WDR6: variants seen among roughly 807,000 people sequenced by gnomAD.
WDR6 encodes WD repeat domain 6, also known as tRNA (34-2'-O)-methyltransferase regulator WDR6.
In WDR6, 58 loss-of-function variants were observed where a neutral mutation model predicts 85.6. That is an observed-to-expected ratio of 0.68 (90% CI 0.55 to 0.84). The LOEUF (loss-of-function observed/expected upper bound fraction) is 0.84, where lower values mean the gene tolerates loss of function less well. Ranked by LOEUF, WDR6 falls within the 40% of genes least tolerant of loss-of-function variation. WDR6 has a pLI of 0.00. For missense variants in WDR6, 1,310 were observed against 1,476.4 expected (o/e 0.89, Z 1.85); for synonymous variants, 569 against 582.2 (o/e 0.98, Z 0.33).
At position 49,007,489 on chromosome 3, in the gene WDR6, C is replaced by T; in HGVS notation, c.58C>T (p.Pro20Ser). The T allele has an allele frequency of 2.5e-6, 4 of 1,610,600 alleles. No individual in the cohort carries two copies. Among genetic ancestry groups the T allele is most frequent in the Non-Finnish European group, 3.4e-6 (4 of 1,177,406 alleles). ...PRATSELILL[P>S]VTGLECVGDR... ...GGCAACCTCGGAGCTTATACTCCTC[C>T]CAGTGACGGGTCTGGAGTGCGTGGG... The change falls in exon 1 of 6, where the codon CCA becomes TCA. Residue 20 changes from proline (P) to serine (S), a missense_variant. Pro to Ser is a moderately conservative substitution (Grantham distance 74). Transcript: ENST00000608424. The surrounding 1 kb of genome is among the most constrained non-coding windows in gnomAD (Gnocchi z 5.1).
Position 49,012,536 on chromosome 3 carries a change from AT to A in WDR6, c.1004del (p.Leu335TrpfsTer20). 6.2e-7 allele frequency: 1 copy of A among 1,613,712 alleles called. No individual in the cohort carries two copies. Among genetic ancestry groups the A allele is most frequent in the Non-Finnish European group, 8.5e-7 (1 of 1,179,942 alleles). On this transcript the variant is annotated frameshift_variant, in exon 2 of 6. Transcript: ENST00000608424. LOFTEE classifies it high-confidence loss of function. The surrounding 1 kb of genome is among the most constrained non-coding windows in gnomAD (Gnocchi z 4.4). Reference sequence around the variant, plus strand: ...ACTTGGTAGGGCGTGGGTACCGGGGATTGGGGGTCTCGGCTCTCTGCTTCAA... The same window carrying A: ...ACTTGGTAGGGCGTGGGTACCGGGGATGGGGGTCTCGGCTCTCTGCTTCAA... The part of the protein sequence containing the change: ...WHLVGRGYRG[L>X]GVSALCFKSR...
rs1484073352 is a variant in WDR6, at chr3:49,014,390, C to T, written c.2674C>T (p.Leu892Phe). 2 of 1,613,970 alleles carry T rather than the reference C, an allele frequency of 1.2e-6. No individual in the cohort carries two copies. Among genetic ancestry groups the T allele is most frequent in the Non-Finnish European group, 1.7e-6 (2 of 1,180,016 alleles). Residue 892 changes from leucine to phenylalanine, a missense_variant, in exon 4 of 6, where the codon CTT becomes TTT. Coordinates refer to ENST00000608424, the MANE Select transcript of WDR6 (RefSeq NM_018031.6). This position sits in a 1 kb window ranked among gnomAD's most constrained non-coding sequence, Gnocchi z 4.9. ...ACSDGAVRLF[L>F]LQDSGRILQL... is the part of the protein sequence containing the mutation. ...CCACCCCCCGCCCCCCAGGCTCTTT[C>T]TTTTGCAGGATTCTGGGCGGATTCT...
Position 49,013,438 on chromosome 3 carries a change from A to G in WDR6, c.1904A>G (p.Asn635Ser), listed in dbSNP as rs778171567. ...GSMVILGFHANEFVVWNPRSH... is the reference protein window; with the variant it reads ...GSMVILGFHASEFVVWNPRSH... The stretch of plus-strand genomic sequence containing the variant: ...ATGGTTATCCTGGGTTTCCATGCCA[A>G]TGAGTTTGTGGTGTGGAACCCTCGG... The change falls in exon 2 of 6, where the codon AAT (asparagine) becomes AGT (serine). Residue 635 changes from asparagine (N) to serine (S), a missense_variant. By Grantham distance (46) the Asn-to-Ser change is conservative. Coordinates refer to ENST00000608424, the MANE Select transcript of WDR6 (RefSeq NM_018031.6). The surrounding 1 kb of genome is among the most constrained non-coding windows in gnomAD (Gnocchi z 4.6). The G allele has an allele frequency of 6.8e-6, 11 of 1,614,142 alleles. No individual in the cohort carries two copies. The highest frequency in any genetic ancestry group is 1.6e-4 in the Middle Eastern group (1 of 6,062).
intron 1 of WDR6, among the ~76,000 whole-genome samples, chr3:49,010,360 C>G (rs1278362049): frequency 6.7e-6 from 1 of 149,688 alleles, no homozygotes; most frequent in South Asian, 2.1e-4. Flanking sequence ...GAGCCAAGAT[C>G]GCGCCACAGC....
rs778081881 is a variant in WDR6, at chr3:49,014,343, C to G, written c.2667-40C>G. ...CAGGAGACAAAGGAAGTAAGGTTGT[C>G]TAGGATGCGTTCTGAGCTGGGCCAC... On this transcript the variant is annotated intron_variant, in intron 3 of 5. Transcript: ENST00000608424. The surrounding 1 kb of genome is among the most constrained non-coding windows in gnomAD (Gnocchi z 4.9). 1 of 1,613,956 alleles carries G rather than the reference C, an allele frequency of 6.2e-7. No homozygotes were observed. The highest frequency in any genetic ancestry group is 1.3e-5 in the African/African-American group (1 of 74,906).
In WDR6 at chr3:49,015,792, C is replaced by A; in HGVS notation, c.*504C>A. 6.2e-7 allele frequency: 1 copy of A among 1,614,170 alleles called. No individual in the cohort carries two copies. The highest frequency in any genetic ancestry group is 8.5e-7 in the Non-Finnish European group (1 of 1,180,028). On this transcript the variant is annotated 3_prime_UTR_variant, in exon 6 of 6. Transcript: ENST00000608424. ...TCTCTGCACGTCCCACCCCATTTTG[C>A]TGTGTGCTCACCCCCAGGATGTGTA...
In WDR6 at chr3:49,007,510, G is replaced by A; in HGVS notation, c.79G>A (p.Val27Met). ...ILLPVTGLEC[V>M]GDRLLAGEGP... ...CCTCCCAGTGACGGGTCTGGAGTGCGTGGGGGACCGGCTGTTGGCGGGTGA... is the reference window on the plus strand; with the variant it reads ...CCTCCCAGTGACGGGTCTGGAGTGCATGGGGGACCGGCTGTTGGCGGGTGA... Residue 27 changes from valine (V) to methionine (M), a missense_variant, in exon 1 of 6, where the codon GTG becomes ATG. Val to Met is a conservative substitution (Grantham distance 21). Coordinates refer to ENST00000608424, the MANE Select transcript of WDR6 (RefSeq NM_018031.6). This position sits in a 1 kb window ranked among gnomAD's most constrained non-coding sequence, Gnocchi z 5.1. 6.3e-7 allele frequency: 1 copy of A among 1,598,710 alleles called. No homozygotes were observed.
At position 49,011,580 on chromosome 3, in the gene WDR6, G is replaced by A. The variant is rs758667545; in HGVS notation, c.101-55G>A. ...TTTCCCTGATCCCCATCTCTTCCCT[G>A]TGGGTCATCAGAGTTAGGTACCTAG... On this transcript the variant is annotated intron_variant, in intron 1 of 5. Coordinates refer to ENST00000608424, the MANE Select transcript of WDR6 (RefSeq NM_018031.6). The A allele has an allele frequency of 6.6e-5, 107 of 1,611,862 alleles. 3 individuals are homozygous for A. Among genetic ancestry groups the A allele is most frequent in the South Asian group, 3.5e-4 (32 of 90,898 alleles).
intron 1 of WDR6, 166 bp from the exon 2 acceptor site, chr3:49,011,469 C>A: frequency 1.3e-6 from 2 of 1,594,312 alleles, no homozygotes; most frequent in Non-Finnish European, 1.7e-6. Context: ...CGTGAGCCAC[C>A]GCACCCGGCC....
chr3:49,013,659 C>T lies in WDR6; in HGVS notation c.2125C>T (p.Arg709Cys), dbSNP rs746816965. 16 of 1,613,952 alleles carry T rather than the reference C, an allele frequency of 9.9e-6. No individual in the cohort carries two copies. The highest frequency in any genetic ancestry group is 1.6e-4 in the Middle Eastern group (1 of 6,084). ...LHGREITCVK[R>C]VGTITLGPEY... The stretch of plus-strand genomic sequence containing the variant: ...TGGCCGTGAGATCACTTGTGTAAAG[C>T]GTGTGGGCACCATTACCCTGGGGCC... Residue 709 changes from arginine (R) to cysteine (C), a missense_variant, in exon 2 of 6, where the codon CGT (arginine) becomes TGT (cysteine). Arg to Cys is a radical substitution (Grantham distance 180). Transcript: ENST00000608424. The surrounding 1 kb of genome is among the most constrained non-coding windows in gnomAD (Gnocchi z 4.6).
In WDR6 at chr3:49,014,666, A is replaced by G; in HGVS notation, c.2850A>G (p.Leu950=). The G allele has an allele frequency of 1.2e-6, 2 of 1,613,618 alleles. No individual in the cohort carries two copies. Among genetic ancestry groups the G allele is most frequent in the Middle Eastern group, 1.6e-4 (1 of 6,062 alleles). ...SLAFWDLTTM[L]DHDSTVLEPP... ...CTTTCTGGGATCTCACCACCATGCT[A>G]GACCATGACTCCACTGTCCTGGAGC... is the stretch of plus-strand genomic sequence containing the variant. Residue 950 remains leucine (L), a synonymous_variant, in exon 5 of 6, where the codon CTA becomes CTG. Transcript: ENST00000608424. This position sits in a 1 kb window ranked among gnomAD's most constrained non-coding sequence, Gnocchi z 4.9.
At position 49,013,742 on chromosome 3, in the gene WDR6, G is replaced by GC; in HGVS notation, c.2211dup (p.Asp738ArgfsTer4). The GC allele has an allele frequency of 6.2e-7, 1 of 1,614,088 alleles. No homozygotes were observed. The highest frequency in any genetic ancestry group is 8.5e-7 in the Non-Finnish European group (1 of 1,179,960). On this transcript the variant is annotated frameshift_variant, in exon 2 of 6. Transcript: ENST00000608424. LOFTEE classifies it high-confidence loss of function. This position sits in a 1 kb window ranked among gnomAD's most constrained non-coding sequence, Gnocchi z 4.6. ...ATGACCTGGAGCCTGGCAGTGAGGG[G>GC]CCCGACTTGACTGACATTGTGATCA... is the stretch of plus-strand genomic sequence containing the variant.
In WDR6 at chr3:49,013,471, A is replaced by G. The variant is rs1277397272; in HGVS notation, c.1937A>G (p.Glu646Gly). The G allele has an allele frequency of 2.5e-6, 4 of 1,613,938 alleles. No individual in the cohort carries two copies. Among genetic ancestry groups the G allele is most frequent in the Admixed American group, 1.7e-5 (1 of 60,008 alleles). Residue 646 changes from glutamate (E) to glycine (G), a missense_variant, in exon 2 of 6, where the codon GAG (glutamate) becomes GGG (glycine). Glu to Gly is a moderately conservative substitution (Grantham distance 98). Transcript: ENST00000608424. The surrounding 1 kb of genome is among the most constrained non-coding windows in gnomAD (Gnocchi z 4.6). The stretch of plus-strand genomic sequence containing the variant: ...GTGGTGTGGAACCCTCGGTCACACG[A>G]GAAGCTGCACATCGTCAACTGTGGT... ...EFVVWNPRSH[E>G]KLHIVNCGGG...
chr3:49,015,444 A>G lies in WDR6; in HGVS notation c.*156A>G, dbSNP rs1467262441. The stretch of plus-strand genomic sequence containing the variant: ...CGGTGCAGGAGCTGAAGGTGAGTGG[A>G]GTGCTGCCAAGAATATGCCCGACTC... On this transcript the variant is annotated 3_prime_UTR_variant, in exon 6 of 6. Transcript: ENST00000608424. 1 of 1,413,258 alleles carries G rather than the reference A, an allele frequency of 7.1e-7. No individual in the cohort carries two copies. Among genetic ancestry groups the G allele is most frequent in the East Asian group, 2.3e-5 (1 of 43,580 alleles). 87.5% of individuals were successfully genotyped at this position (1,413,258 alleles called of 1,614,324 possible).
At chr3:49,011,015 C>CA (rs1201572210) in intron 1 of WDR6, 5,175 of 310,150 alleles carry the variant, frequency 0.017, 1 homozygote, top group East Asian at 0.048. Context: ...GACTCTGTCT[C>CA]AAAAAAAAAA....
intron 1 of WDR6, 156 bp from the exon 2 acceptor site, chr3:49,011,479 C>T (rs770353650): frequency 2.5e-6 from 4 of 1,602,488 alleles, no homozygotes; most frequent in South Asian, 1.1e-5. Flanking sequence ...CGCACCCGGC[C>T]GAGACCAAGG....
chr3:49,013,013 G>A lies in WDR6; in HGVS notation c.1479G>A (p.Trp493Ter), dbSNP rs1321985758. Residue 493 changes from tryptophan (W) to a stop codon, truncating the protein, a stop_gained, in exon 2 of 6, where the codon TGG becomes TGA. Transcript: ENST00000608424. LOFTEE classifies it high-confidence loss of function. This position sits in a 1 kb window ranked among gnomAD's most constrained non-coding sequence, Gnocchi z 4.6. ...TGCTGCCCCCAAGCAAGCAGAGATG[G>A]CACACATGCAGTGCCTTCCTACCCC... Reference protein sequence around the residue: ...RYLLPPSKQRWHTCSAFLPPG... With the variant: ...RYLLPPSKQR The A allele has an allele frequency of 7.4e-6, 12 of 1,613,474 alleles. No individual in the cohort carries two copies. The Admixed American group carries it at 2.0e-4, about 27-fold the overall frequency.
In WDR6 at chr3:49,014,353, T is replaced by A; in HGVS notation, c.2667-30T>A. ...AGGAAGTAAGGTTGTCTAGGATGCG[T>A]TCTGAGCTGGGCCACCCCCCGCCCC... On this transcript the variant is annotated intron_variant, in intron 3 of 5. Transcript: ENST00000608424. The surrounding 1 kb of genome is among the most constrained non-coding windows in gnomAD (Gnocchi z 4.9). The A allele has an allele frequency of 6.2e-7, 1 of 1,613,902 alleles. No homozygotes were observed. Among genetic ancestry groups the A allele is most frequent in the Non-Finnish European group, 8.5e-7 (1 of 1,180,000 alleles).
At position 49,014,007 on chromosome 3, in the gene WDR6, C is replaced by T. The variant is rs979997102; in HGVS notation, c.2473C>T (p.Pro825Ser). Reference protein sequence around the residue: ...SIMVTPDPSTPSRLACHVMHL... With the variant: ...SIMVTPDPSTSSRLACHVMHL... Reference sequence around the variant, plus strand: ...CATGGTTACTCCGGACCCCAGCACCCCAAGCCGCCTCGCCTGCCATGTCAT... The same window carrying T: ...CATGGTTACTCCGGACCCCAGCACCTCAAGCCGCCTCGCCTGCCATGTCAT... Residue 825 changes from proline (P) to serine (S), a missense_variant, in exon 2 of 6, where the codon CCA (proline) becomes TCA (serine). Transcript: ENST00000608424. The surrounding 1 kb of genome is among the most constrained non-coding windows in gnomAD (Gnocchi z 4.9). 1.2e-5 allele frequency: 20 copies of T among 1,611,790 alleles called. No individual in the cohort carries two copies. The highest frequency in any genetic ancestry group is 1.5e-5 in the Non-Finnish European group (18 of 1,180,002).
Sources: gnomAD v4.1 joint callset for allele counts (sites outside exome capture counted in the v4.1 genomes callset) on GRCh38, gnomAD v4.1.1 for gene constraint, Gnocchi (gnomAD v3.1) non-coding constraint, MANE v1.5 for transcripts, NCBI Gene and HGNC (gene_info 2026-07-23, HGNC 2026-07-21) for gene names.